STPG2: variants seen among roughly 807,000 people sequenced by gnomAD.
STPG2 encodes the protein sperm tail PG-rich repeat containing 2.
A neutral mutation model predicts 54.2 loss-of-function variants in STPG2; 56 were observed. The observed-to-expected ratio is 1.03, with a 90% CI of 0.83 to 1.29. The LOEUF (loss-of-function observed/expected upper bound fraction) is 1.29, where lower values mean the gene tolerates loss of function less well. STPG2 is among the 50% of genes most tolerant of loss of function. The probability of loss-of-function intolerance (pLI) is 0.00; values close to 1 mark genes in which losing one functional copy is unlikely to be tolerated. For missense variants in STPG2, 596 were observed against 544.9 expected (o/e 1.09, Z -0.93); for synonymous variants, 200 against 181.8 (o/e 1.10, Z -0.81).
At chr4:97,894,051 G>T (rs1274756497) in intron 8 of STPG2, among the ~76,000 whole-genome samples, 3 of 151,896 alleles carry the variant, frequency 2.0e-5, no homozygotes, top group African/African-American at 7.2e-5. Flanking sequence ...GAGTATAAAG[G>T]TCTATGTGTT....
rs768286575 is a variant in STPG2 at position 97,981,157 on chromosome 4, A to C, written c.772+2T>G. 1 of 1,613,034 alleles carries C rather than the reference A, an allele frequency of 6.2e-7. No homozygotes were observed. The highest frequency in any genetic ancestry group is 8.5e-7 in the Non-Finnish European group (1 of 1,179,732). ...GTAGACATATATAGATAAATTGCTA[A>C]CCTGGCATTTCCTCTGTCCTGATGT... On this transcript the variant is annotated splice_donor_variant, in intron 6 of 10. Transcript: ENST00000295268. LOFTEE classifies it high-confidence loss of function.
chr4:98,090,622 A>C (rs768552654), intron 5 of STPG2, among the ~76,000 whole-genome samples: 11 of 151,978 alleles, frequency 7.2e-5, no homozygotes, highest in Non-Finnish European at 1.5e-4. Flanking sequence ...TGGGAATTGC[A>C]TTGAATCTGT....
At chr4:97,460,003 A>C (rs1253667580) in intron 4 of STPG2, among the ~76,000 whole-genome samples, 1 of 152,186 alleles carries the variant, frequency 6.6e-6, no homozygotes, top group Admixed American at 6.5e-5. Flanking sequence ...TCACTTACTA[A>C]AGCTCTACAG....
chr4:97,648,204 A>G (rs1721965615), intron 10 of STPG2, among the ~76,000 whole-genome samples: 1 of 152,148 alleles, frequency 6.6e-6, no homozygotes, highest in Non-Finnish European at 1.5e-5. Context: ...AACAACAGGT[A>G]AAGCCATCCC....
chr4:97,732,653 A>C (rs1314830116), intron 9 of STPG2, among the ~76,000 whole-genome samples: 1 of 152,182 alleles, frequency 6.6e-6, no homozygotes, highest in Admixed American at 6.5e-5. Context: ...ATATTTGGAA[A>C]CTATGGATGG....
chr4:97,540,406 C>T (rs1448921490), intron 4 of STPG2, among the ~76,000 whole-genome samples: 1 of 151,880 alleles, frequency 6.6e-6, no homozygotes, highest in Admixed American at 6.6e-5. Flanking sequence ...ACACATACAC[C>T]CTCCCAAGAC....
chr4:97,669,316 T>A (rs778387323), intron 10 of STPG2, among the ~76,000 whole-genome samples: 7 of 152,162 alleles, frequency 4.6e-5, no homozygotes, highest in Non-Finnish European at 8.8e-5. Flanking sequence ...TATTAAAAGT[T>A]AGGCATATGT....
intron 8 of STPG2, among the ~76,000 whole-genome samples, chr4:97,918,728 C>T (rs1440817137): frequency 3.3e-5 from 5 of 152,014 alleles, no homozygotes; most frequent in Admixed American, 2.6e-4. Flanking sequence ...GAAAACCAAA[C>T]ATCCTATGTT....
intron 8 of STPG2, among the ~76,000 whole-genome samples, chr4:97,927,938 A>C (rs974232283): frequency 6.6e-6 from 1 of 152,130 alleles, no homozygotes; most frequent in African/African-American, 2.4e-5. Context: ...TGTGGTTTTT[A>C]ATAATTTAAT....
intron 9 of STPG2, among the ~76,000 whole-genome samples, chr4:97,721,815 AT>A (rs1323600000): frequency 6.6e-6 from 1 of 152,114 alleles, no homozygotes; most frequent in Non-Finnish European, 1.5e-5. Context: ...GTAAAACCTA[AT>A]TAGGAGACAG....
intron 5 of STPG2, among the ~76,000 whole-genome samples, chr4:98,056,842 C>T (rs1737500477): frequency 6.6e-6 from 1 of 152,034 alleles, no homozygotes; most frequent in Admixed American, 6.6e-5. Context: ...GCACTTGCCT[C>T]TTTACTCTCT....
At chr4:97,712,612 G>C in intron 10 of STPG2, 87 bp downstream of exon 10, 2 of 867,178 alleles carry the variant, frequency 2.3e-6, no homozygotes, top group Non-Finnish European at 3.2e-6. Context: ...AAAATATATG[G>C]AAAGGACTTT....
chr4:97,923,134 C>T (rs1307082182), intron 8 of STPG2, among the ~76,000 whole-genome samples: 1 of 152,276 alleles, frequency 6.6e-6, no homozygotes, highest in Non-Finnish European at 1.5e-5. Context: ...CCTCCTCGGC[C>T]TGGGCGCCCA....
In STPG2 at chr4:97,948,418, G is replaced by A. The variant is rs542726623; in HGVS notation, c.934-4411C>T. The stretch of plus-strand genomic sequence containing the variant: ...GTATTGATTTTTTGTTCAAATACAT[G>A]TAGTTCTACTCTAATCTTTGTTACT... On this transcript the variant is annotated intron_variant, in intron 7 of 10. Coordinates refer to ENST00000295268, the MANE Select transcript of STPG2 (RefSeq NM_174952.3). Among the ~76,000 whole-genome samples, 7 of 151,790 alleles carry A rather than the reference G, an allele frequency of 4.6e-5. No individual in the cohort carries two copies. The South Asian group carries it at 1.2e-3, about 27-fold the overall frequency.
At chr4:97,499,097 AACT>A (rs1314574075) in intron 4 of STPG2, among the ~76,000 whole-genome samples, 1 of 152,018 alleles carries the variant, frequency 6.6e-6, no homozygotes, top group African/African-American at 2.4e-5. Flanking sequence ...GGATAAGTCT[AACT>A]ACAAACAACT....
chr4:97,508,328 C>T (rs2148838552), intron 4 of STPG2, among the ~76,000 whole-genome samples: 1 of 152,008 alleles, frequency 6.6e-6, no homozygotes, highest in East Asian at 1.9e-4. Context: ...CAGAGTTTAC[C>T]ATATATTGGT....
chr4:97,827,517 G>A (rs749792527), intron 9 of STPG2, among the ~76,000 whole-genome samples: 2 of 152,134 alleles, frequency 1.3e-5, no homozygotes, highest in Non-Finnish European at 2.9e-5. Flanking sequence ...TTACAGGCAT[G>A]AGCCACTGCA....
intron 8 of STPG2, among the ~76,000 whole-genome samples, chr4:97,844,781 C>T (rs2149125082): frequency 6.6e-6 from 1 of 151,782 alleles, no homozygotes; most frequent in Non-Finnish European, 1.5e-5. Flanking sequence ...TCTTTCTCAC[C>T]TCTCCTTCTG....
At chr4:97,585,704 T>C (rs965069988) in intron 10 of STPG2, among the ~76,000 whole-genome samples, 1 of 151,762 alleles carries the variant, frequency 6.6e-6, no homozygotes, top group African/African-American at 2.4e-5. Flanking sequence ...GCTCCTATCT[T>C]CTCATTTAGA....
Sources: allele counts gnomAD v4.1 joint callset (sites outside exome capture counted in the v4.1 genomes callset), GRCh38; gene constraint gnomAD v4.1.1; transcripts MANE v1.5; gene names NCBI Gene and HGNC (gene_info 2026-07-23, HGNC 2026-07-21).